MID2: variants seen among roughly 807,000 people sequenced by gnomAD.
MID2 encodes the protein probable E3 ubiquitin-protein ligase MID2.
Under a neutral mutation model 46.1 loss-of-function variants are expected in MID2, and 13 were observed. The observed-to-expected ratio is 0.28, with a 90% CI of 0.18 to 0.45. The LOEUF (loss-of-function observed/expected upper bound fraction) is 0.45, where lower values mean the gene tolerates loss of function less well. MID2 is among the 20% of genes least tolerant of loss of function. MID2 has a pLI of 1.00. For synonymous variants in MID2, 199 were observed against 212.3 expected, an observed-to-expected ratio of 0.94 and a Z score of 0.55; for missense variants, 431 against 575.4, an observed-to-expected ratio of 0.75 and a Z score of 2.57.
intron 7 of MID2, among the ~76,000 whole-genome samples, chrX:107,917,983 C>T (rs1481628362): frequency 9.0e-6 from 1 of 111,473 alleles, no homozygotes; most frequent in African/African-American, 3.3e-5. Context: ...ACCATCATTG[C>T]TGGTTCTGTG....
chrX:107,849,264 T>G (rs1255942091), intron 2 of MID2, among the ~76,000 whole-genome samples: 2 of 112,154 alleles, frequency 1.8e-5, no homozygotes, highest in African/African-American at 6.5e-5. Flanking sequence ...GCTTCAGTAC[T>G]TACTGTGTCA....
At chrX:107,884,302 C>G (rs978266751) in intron 3 of MID2, among the ~76,000 whole-genome samples, 2 of 112,200 alleles carry the variant, frequency 1.8e-5, no homozygotes, top group African/African-American at 6.5e-5. Context: ...AGCGTAGCAA[C>G]TTGGAGTTGG....
intron 1 of MID2, 120 bp downstream of exon 1, chrX:107,826,550 C>G: frequency 1.1e-6 from 1 of 895,049 alleles, no homozygotes. Context: ...CGAGGGCTCT[C>G]CGGCTCGGCG....
intron 3 of MID2, among the ~76,000 whole-genome samples, chrX:107,866,520 A>C (rs969653275): frequency 1.9e-4 from 21 of 109,754 alleles, no homozygotes; most frequent in Non-Finnish European, 3.4e-4. Flanking sequence ...ATGCTAACCC[A>C]GTGACACATC....
At chrX:107,895,224 G>C (rs1017755455) in intron 3 of MID2, 1 of 106,536 alleles carries the variant, frequency 9.4e-6, no homozygotes, top group Non-Finnish European at 1.9e-5. Flanking sequence ...TTGGGGGGGG[G>C]GTGGATAGTT....
rs755812805 is a variant in MID2, at chrX:107,841,333, G to A, written c.668G>A (p.Arg223His). 1.3e-5 allele frequency: 16 copies of A among 1,205,988 alleles called. No individual in the cohort carries two copies. Among genetic ancestry groups the A allele is most frequent in the Admixed American group, 1.1e-4 (5 of 45,456 alleles). ...TGTGCCTTATGCAAACTGGTGGGTC[G>A]TCACCGAGACCATCAGGTCGCATCC... is the stretch of plus-strand genomic sequence containing the variant. ...LICALCKLVGRHRDHQVASLN... is the reference protein window; with the variant it reads ...LICALCKLVGHHRDHQVASLN... The change falls in exon 2 of 10, where the codon CGT becomes CAT. Residue 223 changes from arginine (R) to histidine (H), a missense_variant. By Grantham distance (29) the Arg-to-His change is conservative. Coordinates refer to ENST00000262843, the MANE Select transcript of MID2 (RefSeq NM_012216.4).
At chrX:107,850,032 C>T (rs765555106) in intron 2 of MID2, among the ~76,000 whole-genome samples, 70 of 112,097 alleles carry the variant, frequency 6.2e-4, no homozygotes, top group African/African-American at 1.9e-3. Flanking sequence ...GAGAAAGTTG[C>T]ACTAACCGGG....
chrX:107,926,485 G>A (rs913958828), intron 9 of MID2, 184 bp downstream of exon 9: 1 of 595,024 alleles, frequency 1.7e-6, no homozygotes, highest in African/African-American at 2.3e-5. Flanking sequence ...GCTAGGAGAT[G>A]GAAACTGCCA....
At chrX:107,881,506 G>A (rs6523981) in intron 3 of MID2, among the ~76,000 whole-genome samples, 33,400 of 111,220 alleles carry the variant, frequency 0.3, 6,857 homozygotes, top group African/African-American at 0.75. Flanking sequence ...TCTCTCTGGT[G>A]TGTCCTTCAA....
intron 3 of MID2, among the ~76,000 whole-genome samples, chrX:107,867,363 T>G (rs1340899013): frequency 4.6e-5 from 5 of 108,199 alleles, no homozygotes; most frequent in South Asian, 8.4e-4. Context: ...GGGTTTCACC[T>G]TGTTGGCCAG....
At position 107,860,620 on chromosome X, in the gene MID2, A is replaced by T. The variant is rs1931834011; in HGVS notation, c.816+5916A>T. Among the ~76,000 whole-genome samples the T allele has an allele frequency of 3.6e-5, 4 of 112,608 alleles. No individual in the cohort carries two copies. In the Admixed American group the frequency reaches 3.8e-4, roughly 11 times the overall value. ...AAATAGAAAGACGGTGTTGCTTTTG[A>T]GGAGATTACTGAAGAATGCTGTGCA... On this transcript the variant is annotated intron_variant, in intron 3 of 9. Transcript: ENST00000262843.
intron 2 of MID2, among the ~76,000 whole-genome samples, chrX:107,847,252 C>A (rs1931509489): frequency 8.9e-6 from 1 of 111,899 alleles, no homozygotes; most frequent in South Asian, 3.7e-4. Context: ...AAATAAGGCA[C>A]AATCCCAGTC....
At chrX:107,867,848 A>G (rs1931990616) in intron 3 of MID2, among the ~76,000 whole-genome samples, 1 of 111,779 alleles carries the variant, frequency 8.9e-6, no homozygotes, top group Non-Finnish European at 1.9e-5. Context: ...ATTTAATGGA[A>G]CAGGATGTAG....
At chrX:107,858,483 A>G (rs1931790688) in intron 3 of MID2, among the ~76,000 whole-genome samples, 1 of 112,349 alleles carries the variant, frequency 8.9e-6, no homozygotes. Context: ...TAGGCATTCT[A>G]AAACATAGCG....
At chrX:107,839,894 A>G (rs1481924267) in intron 1 of MID2, among the ~76,000 whole-genome samples, 3 of 112,237 alleles carry the variant, frequency 2.7e-5, no homozygotes, top group African/African-American at 9.7e-5. Flanking sequence ...TGACTTTATT[A>G]TTGATCAGCA....
intron 1 of MID2, among the ~76,000 whole-genome samples, chrX:107,833,118 T>A (rs1388720016): frequency 1.8e-5 from 2 of 111,678 alleles, no homozygotes; most frequent in African/African-American, 6.5e-5. Flanking sequence ...GCCTTCCTAG[T>A]CACACTAATA....
chrX:107,886,334 T>C (rs1932452380), intron 3 of MID2, among the ~76,000 whole-genome samples: 1 of 112,209 alleles, frequency 8.9e-6, no homozygotes, highest in Non-Finnish European at 1.9e-5. Context: ...TTCAGCTTTC[T>C]ACCTATGGCT....
At chrX:107,915,514 C>T (rs978727344) in intron 5 of MID2, among the ~76,000 whole-genome samples, 8 of 108,905 alleles carry the variant, frequency 7.3e-5, no homozygotes, top group South Asian at 4.1e-4. Flanking sequence ...ACTGAGATGG[C>T]GCCACTGCAC....
intron 3 of MID2, among the ~76,000 whole-genome samples, chrX:107,898,768 C>T (rs1456340991): frequency 8.9e-6 from 1 of 111,733 alleles, no homozygotes; most frequent in East Asian, 2.8e-4. Flanking sequence ...AACTTTAATG[C>T]CAAAATTTCA....
Sources: gnomAD v4.1 joint callset for allele counts (sites outside exome capture counted in the v4.1 genomes callset) on GRCh38, gnomAD v4.1.1 for gene constraint, MANE v1.5 for transcripts, NCBI Gene and HGNC (gene_info 2026-07-23, HGNC 2026-07-21) for gene names.